The following FXR1 variants were observed in gnomAD, a reference collection of about 807,000 sequenced individuals.
FXR1 encodes the protein RNA-binding protein FXR1.
A neutral mutation model predicts 84.0 loss-of-function variants in FXR1; 15 were observed. The observed-to-expected ratio is 0.18, with a 90% CI of 0.12 to 0.27. The LOEUF (loss-of-function observed/expected upper bound fraction) is 0.27, where lower values mean the gene tolerates loss of function less well. Among genes scored for constraint, FXR1 ranks in the 10% least tolerant of loss-of-function variants. The pLI, the probability that FXR1 is intolerant of heterozygous loss-of-function variation, is 1.00. For synonymous variants in FXR1, 245 were observed against 250.7 expected (o/e 0.98, Z 0.21); for missense variants, 480 against 774.4 (o/e 0.62, Z 4.51).
rs1451101004 is a variant in FXR1, at chr3:180,982,148, A to G, written c.*5856A>G. On this transcript the variant is annotated 3_prime_UTR_variant, in exon 17 of 17. Coordinates refer to ENST00000357559, the MANE Select transcript of FXR1 (RefSeq NM_005087.4). ...CATGTTGCCTTGGCTGCTTAACCTTACTAAACTTCCATTTCCTCACATGTA... is the reference window on the plus strand; with the variant it reads ...CATGTTGCCTTGGCTGCTTAACCTTGCTAAACTTCCATTTCCTCACATGTA... 1.3e-5 allele frequency: 2 copies of G among 152,086 alleles called. No individual in the cohort carries two copies. Among genetic ancestry groups the G allele is most frequent in the Non-Finnish European group, 2.9e-5 (2 of 67,950 alleles). The allele number at this position is 152,086 out of a possible 1,614,324, so 9.4% of individuals were successfully genotyped here.
intron 1 of FXR1, chr3:180,915,031 C>A (rs1157053161): frequency 1.1e-5 from 6 of 524,412 alleles, no homozygotes; most frequent in Non-Finnish European, 1.5e-5. Context: ...TAACAATGGA[C>A]CCCTGAACAA....
intron 15 of FXR1, chr3:180,970,990 C>G: frequency 3.6e-6 from 1 of 279,502 alleles, no homozygotes; most frequent in Non-Finnish European, 6.3e-6. Flanking sequence ...TATTTTTCCC[C>G]TTTAAATCTT....
chr3:180,948,364 T>C lies in FXR1; in HGVS notation c.288T>C (p.Tyr96=), dbSNP rs145159450. 6.2e-6 allele frequency: 10 copies of C among 1,603,626 alleles called. No homozygotes were observed. In the African/African-American group the frequency reaches 1.2e-4, roughly 19 times the overall value. ...MMKGEFYVIE[Y]AACDATYNEI... ...TCTTTTAGTTTTATGTCATTGAATA[T>C]GCTGCTTGTGACGCTACTTACAATG... The change falls in exon 5 of 17, where the codon TAT becomes TAC. Residue 96 remains tyrosine (Y), a synonymous_variant. Coordinates refer to ENST00000357559, the MANE Select transcript of FXR1 (RefSeq NM_005087.4).
rs564490434 is a variant in FXR1 at position 180,915,983 on chromosome 3, A to G, written c.51+3247A>G. On this transcript the variant is annotated intron_variant, in intron 1 of 16. Transcript: ENST00000357559. ...TTGATTTGTGCATGTTCGTAGCCCT[A>G]TAAATCTGCGGGGATGAGAGAGAAT... 3.2e-4 allele frequency among the ~76,000 whole-genome samples: 49 copies of G among 152,358 alleles called. No homozygotes were observed. The South Asian group carries it at 7.9e-3, about 24-fold the overall frequency.
rs1314599437 is a variant in FXR1, at chr3:180,976,317, TTC to T, written c.*27_*28del. On this transcript the variant is annotated 3_prime_UTR_variant, in exon 17 of 17. Transcript: ENST00000357559. The stretch of plus-strand genomic sequence containing the variant: ...AACTGAAGAAGTTCCTAGTTTACAG[TTC>T]TTTTACATTACATTTACAATAGTGC... 6.8e-7 allele frequency: 1 copy of T among 1,474,808 alleles called. No homozygotes were observed. The highest frequency in any genetic ancestry group is 1.9e-4 in the Middle Eastern group (1 of 5,404). The allele number at this position is 1,474,808 out of a possible 1,614,324, so 91.4% of individuals were successfully genotyped here. A position where few individuals can be genotyped will look rare whatever the true frequency, so the allele number is the denominator to read the frequency against.
chr3:180,948,154 G>T (rs1805599), intron 4 of FXR1, 193 bp from the exon 5 acceptor site: 1 of 612,724 alleles, frequency 1.6e-6, no homozygotes, highest in Non-Finnish European at 2.9e-6. Context: ...TGTAAGGACC[G>T]CCAAGGTTCA....
intron 1 of FXR1, among the ~76,000 whole-genome samples, chr3:180,932,434 G>C (rs1409813375): frequency 6.6e-6 from 1 of 152,162 alleles, no homozygotes; most frequent in African/African-American, 2.4e-5. Flanking sequence ...AATTATATAA[G>C]TGCCAAGGAC....
intron 14 of FXR1, among the ~76,000 whole-genome samples, chr3:180,969,171 C>G (rs1480920899): frequency 6.6e-6 from 1 of 152,162 alleles, no homozygotes; most frequent in African/African-American, 2.4e-5. Context: ...CAGTAATACT[C>G]TTTGAGCCTT....
At position 180,912,755 on chromosome 3, in the gene FXR1, CT is replaced by C. The variant is rs1371692907; in HGVS notation, c.51+22del. On this transcript the variant is annotated intron_variant, in intron 1 of 16. Coordinates refer to ENST00000357559, the MANE Select transcript of FXR1 (RefSeq NM_005087.4). ...CTACAAGGTACTGACCGTTTTGCCA[CT>C]TTGTCGAGTGTTCTGGGTGCTGGAG... is the stretch of plus-strand genomic sequence containing the variant. 1 of 1,614,070 alleles carries C rather than the reference CT, an allele frequency of 6.2e-7. No homozygotes were observed. Among genetic ancestry groups the C allele is most frequent in the Non-Finnish European group, 8.5e-7 (1 of 1,180,004 alleles).
intron 7 of FXR1, among the ~76,000 whole-genome samples, chr3:180,950,888 G>A (rs1722167282): frequency 6.6e-6 from 1 of 151,922 alleles, no homozygotes; most frequent in South Asian, 2.1e-4. Context: ...CTTTACTGTC[G>A]TAAATAATGC....
At chr3:180,917,677 C>T (rs968221613) in intron 1 of FXR1, among the ~76,000 whole-genome samples, 1 of 151,952 alleles carries the variant, frequency 6.6e-6, no homozygotes, top group Non-Finnish European at 1.5e-5. Flanking sequence ...GGCCGGGCGC[C>T]GTGGCTCATG....
At chr3:180,959,006 C>A (rs1711718794) in intron 10 of FXR1, among the ~76,000 whole-genome samples, 1 of 151,976 alleles carries the variant, frequency 6.6e-6, no homozygotes, top group Middle Eastern at 3.2e-3. Flanking sequence ...TGGGGTTTCA[C>A]CATGTTGGCC....
At chr3:180,923,545 A>T (rs1718821180) in intron 1 of FXR1, among the ~76,000 whole-genome samples, 2 of 151,612 alleles carry the variant, frequency 1.3e-5, no homozygotes, top group African/African-American at 4.9e-5. Context: ...GGAGCCCTTT[A>T]TATAATCTGT....
Position 180,976,220 on chromosome 3 carries a change from A to G in FXR1, c.1794A>G (p.Pro598=), listed in dbSNP as rs1577014951. 6.2e-7 allele frequency: 1 copy of G among 1,612,470 alleles called. No individual in the cohort carries two copies. The highest frequency in any genetic ancestry group is 8.5e-7 in the Non-Finnish European group (1 of 1,178,596). Residue 598 remains proline (P), a synonymous_variant, in exon 17 of 17, where the codon CCA becomes CCG. Transcript: ENST00000357559. ...GDDISKLQRT[P]GEEKINTLKE... ...ACATTTCTAAGCTACAGCGTACTCC[A>G]GGAGAAGAAAAGATTAATACCTTAA...
intron 10 of FXR1, 100 bp from the exon 11 acceptor site, chr3:180,961,365 AAAG>A (rs1276161915): frequency 0.017 from 4,614 of 266,002 alleles, 57 homozygotes; most frequent in South Asian, 0.068. Flanking sequence ...AAAAAAAAAA[AAAG>A]GTGTGTGTGT....
Position 180,942,372 on chromosome 3 carries a change from C to G in FXR1, c.199-5493C>G, listed in dbSNP as rs565081196. 9.9e-5 allele frequency among the ~76,000 whole-genome samples: 9 copies of G among 91,000 alleles called. 1 individual carries two copies. Among genetic ancestry groups the G allele is most frequent in the African/African-American group, 3.4e-4 (7 of 20,582 alleles). 59.7% of individuals were successfully genotyped at this position (91,000 alleles called of 152,430 possible). A position where few individuals can be genotyped will look rare whatever the true frequency, so the allele number is the denominator to read the frequency against. On this transcript the variant is annotated intron_variant, in intron 3 of 16. Coordinates refer to ENST00000357559, the MANE Select transcript of FXR1 (RefSeq NM_005087.4). ...CAGCCTGGGCGACAGAGCGAGACTC[C>G]GTCTCAAAAAAAAAAAAAAAAAAAA...
intron 13 of FXR1, among the ~76,000 whole-genome samples, chr3:180,963,471 T>G (rs1384372264): frequency 6.6e-6 from 1 of 152,166 alleles, no homozygotes; most frequent in Non-Finnish European, 1.5e-5. Context: ...TCATCTTTTG[T>G]CTACCCTCTT....
chr3:180,978,814 A>G lies in FXR1; in HGVS notation c.*2522A>G, dbSNP rs1291910696. ...GAACGGAATCATGAAGTAACAGCTGAGATTATATGGTGGCAAAAATGACCT... is the reference window on the plus strand; with the variant it reads ...GAACGGAATCATGAAGTAACAGCTGGGATTATATGGTGGCAAAAATGACCT... On this transcript the variant is annotated 3_prime_UTR_variant, in exon 17 of 17. Coordinates refer to ENST00000357559, the MANE Select transcript of FXR1 (RefSeq NM_005087.4). 5.9e-5 allele frequency: 9 copies of G among 152,076 alleles called. No individual in the cohort carries two copies. Among genetic ancestry groups the G allele is most frequent in the Admixed American group, 5.9e-4 (9 of 15,258 alleles). 9.4% of individuals were successfully genotyped at this position (152,076 alleles called of 1,614,324 possible). A position where few individuals can be genotyped will look rare whatever the true frequency, so the allele number is the denominator to read the frequency against.
intron 1 of FXR1, among the ~76,000 whole-genome samples, chr3:180,926,506 A>ATATATATATATATATATATT (rs72192827): frequency 8.0e-6 from 1 of 124,380 alleles, no homozygotes; most frequent in Non-Finnish European, 1.7e-5. Flanking sequence ...ATATATATAT[A>ATATATATATATATATATATT]TTTTTTTTTC....
Sources: gnomAD v4.1 joint callset for allele counts (sites outside exome capture counted in the v4.1 genomes callset) on GRCh38, gnomAD v4.1.1 for gene constraint, MANE v1.5 for transcripts, NCBI Gene and HGNC (gene_info 2026-07-23, HGNC 2026-07-21) for gene names.